C10orf71: variants seen among roughly 807,000 people sequenced by gnomAD.
The protein encoded by C10orf71 is chromosome 10 open reading frame 71, also known as cardiac-enriched FHL2-interacting protein.
For missense variants in C10orf71, 1,869 were observed against 1,804.5 expected, an observed-to-expected ratio of 1.04 and a Z score of -0.65; for synonymous variants, 758 against 726.3, an observed-to-expected ratio of 1.04 and a Z score of -0.70.
chr10:49,325,567 G>C lies in C10orf71; in HGVS notation c.3022G>C (p.Glu1008Gln), dbSNP rs187842723. ...PWHIPTIALP[E>Q]GDIEDQPPPW... ...GCACATCCCCACCATTGCTTTACCC[G>C]AGGGTGACATAGAAGACCAGCCACC... The change falls in exon 3 of 3, where the codon GAG (glutamate) becomes CAG (glutamine). Residue 1008 changes from glutamate to glutamine, a missense_variant. By Grantham distance (29) the Glu-to-Gln change is conservative (BLOSUM62 2). Coordinates refer to ENST00000374144, the MANE Select transcript of C10orf71 (RefSeq NM_001135196.2). 1.3e-6 allele frequency: 2 copies of C among 1,550,768 alleles called. No individual in the cohort carries two copies. The highest frequency in any genetic ancestry group is 1.2e-5 in the South Asian group (1 of 84,004).
chr10:49,320,625 G>C (rs1295159217), intron 2 of C10orf71, among the ~76,000 whole-genome samples: 1 of 152,200 alleles, frequency 6.6e-6, no homozygotes, highest in Non-Finnish European at 1.5e-5. Context: ...AACACCCATG[G>C]AATATCAGGG....
chr10:49,324,737 G>C lies in C10orf71; in HGVS notation c.2192G>C (p.Ser731Thr), dbSNP rs768576908. The change falls in exon 3 of 3, where the codon AGC becomes ACC. Residue 731 changes from serine (S) to threonine (T), a missense_variant. By Grantham distance (58) the Ser-to-Thr change is moderately conservative. Coordinates refer to ENST00000374144, the MANE Select transcript of C10orf71 (RefSeq NM_001135196.2). ...SLKGKAKFST[S>T]SSDQSFASFD... ...AAAGGTAAGGCCAAATTCAGCACCA[G>C]CTCTTCAGATCAATCCTTTGCCTCA... is the stretch of plus-strand genomic sequence containing the variant. 1.3e-6 allele frequency: 2 copies of C among 1,571,732 alleles called. No individual in the cohort carries two copies.
At chr10:49,311,472 G>A (rs1848913724) in intron 1 of C10orf71, among the ~76,000 whole-genome samples, 1 of 152,154 alleles carries the variant, frequency 6.6e-6, no homozygotes, top group African/African-American at 2.4e-5. Flanking sequence ...ACATCCCAGG[G>A]TCCAAGAAGT....
chr10:49,312,894 A>G (rs1848940058), intron 1 of C10orf71, among the ~76,000 whole-genome samples: 1 of 152,230 alleles, frequency 6.6e-6, no homozygotes, highest in African/African-American at 2.4e-5. Context: ...TTCTGTGATT[A>G]TAGGATTATA....
chr10:49,324,865 A>G lies in C10orf71; in HGVS notation c.2320A>G (p.Met774Val), dbSNP rs1167958396. 3 of 1,551,710 alleles carry G rather than the reference A, an allele frequency of 1.9e-6. No individual in the cohort carries two copies. The highest frequency in any genetic ancestry group is 2.4e-5 in the East Asian group (1 of 40,928). The change falls in exon 3 of 3, where the codon ATG becomes GTG. Residue 774 changes from methionine (M) to valine (V), a missense_variant. By Grantham distance (21) the Met-to-Val change is conservative (BLOSUM62 1). Coordinates refer to ENST00000374144, the MANE Select transcript of C10orf71 (RefSeq NM_001135196.2). Reference sequence around the variant, plus strand: ...TCAGAAGGATGAGAAGGAGAATGTGATGCGGAAGGATGAGCTGCAGTACTG... The same window carrying G: ...TCAGAAGGATGAGAAGGAGAATGTGGTGCGGAAGGATGAGCTGCAGTACTG... Reference protein sequence around the residue: ...DSQKDEKENVMRKDELQYCAL... With the variant: ...DSQKDEKENVVRKDELQYCAL...
Position 49,324,833 on chromosome 10 carries a change from G to A in C10orf71, c.2288G>A (p.Gly763Asp), listed in dbSNP as rs746523489. The change falls in exon 3 of 3, where the codon GGT becomes GAT. Residue 763 changes from glycine (G) to aspartate (D), a missense_variant. Physicochemically the swap from Gly to Asp is moderately conservative, Grantham distance 94. Coordinates refer to ENST00000374144, the MANE Select transcript of C10orf71 (RefSeq NM_001135196.2). Reference sequence around the variant, plus strand: ...GACAGGAGGAAGGATGTGAGTGCAGGTGACAGTCAGAAGGATGAGAAGGAG... The same window carrying A: ...GACAGGAGGAAGGATGTGAGTGCAGATGACAGTCAGAAGGATGAGAAGGAG... ...REDRRKDVSA[G>D]DSQKDEKENV... 1.1e-5 allele frequency: 17 copies of A among 1,551,888 alleles called. No individual in the cohort carries two copies. Among genetic ancestry groups the A allele is most frequent in the Non-Finnish European group, 1.2e-5 (14 of 1,147,076 alleles).
At chr10:49,307,221 C>T (rs1027220133) in intron 1 of C10orf71, among the ~76,000 whole-genome samples, 3 of 152,112 alleles carry the variant, frequency 2.0e-5, no homozygotes, top group East Asian at 3.8e-4. Context: ...CCTCTGAGCT[C>T]GCCAGGAGAA....
Position 49,327,405 on chromosome 10 carries a change from G to A in C10orf71, c.*552G>A, listed in dbSNP as rs1849283112. The A allele has an allele frequency of 5.8e-6, 1 of 171,932 alleles. No homozygotes were observed. Among genetic ancestry groups the A allele is most frequent in the Admixed American group, 6.2e-5 (1 of 16,028 alleles). 10.7% of individuals were successfully genotyped at this position (171,932 alleles called of 1,614,324 possible). On this transcript the variant is annotated 3_prime_UTR_variant, in exon 3 of 3. Transcript: ENST00000374144. ...TGCACAGAATGGGTTTCCTTCACAG[G>A]GAGAAACTTGCCTCTGAAAGCTATT...
chr10:49,308,869 C>T (rs907278015), intron 1 of C10orf71, among the ~76,000 whole-genome samples: 6 of 152,176 alleles, frequency 3.9e-5, no homozygotes, highest in African/African-American at 1.2e-4. Context: ...AAAGACACAG[C>T]GAGCCCCACA....
At position 49,324,576 on chromosome 10, in the gene C10orf71, C is replaced by G. The variant is rs372396765; in HGVS notation, c.2031C>G (p.Ser677=). ...QLENGLSRSV[S]QETEPEREAG... is the part of the protein sequence containing the mutation. The stretch of plus-strand genomic sequence containing the variant: ...AGAATGGGCTCTCCAGATCTGTGTC[C>G]CAAGAGACAGAACCTGAGAGGGAAG... Residue 677 remains serine, a synonymous_variant, in exon 3 of 3, where the codon TCC becomes TCG. Coordinates refer to ENST00000374144, the MANE Select transcript of C10orf71 (RefSeq NM_001135196.2). The G allele has an allele frequency of 6.9e-5, 112 of 1,613,702 alleles. No individual in the cohort carries two copies. The highest frequency in any genetic ancestry group is 9.0e-5 in the Non-Finnish European group (106 of 1,179,854).
At position 49,324,064 on chromosome 10, in the gene C10orf71, C is replaced by T. The variant is rs554031001; in HGVS notation, c.1519C>T (p.Arg507Trp). ...CCTGCTGTTCAACCTCAAGGACGTG[C>T]GGAAGCGTGTTAAGAGCACATACAG... ...PSLLFNLKDV[R>W]KRVKSTYSSS... Residue 507 changes from arginine (R) to tryptophan (W), a missense_variant, in exon 3 of 3, where the codon CGG becomes TGG. By Grantham distance (101) the Arg-to-Trp change is moderately radical. Transcript: ENST00000374144. 41 of 1,613,718 alleles carry T rather than the reference C, an allele frequency of 2.5e-5. No homozygotes were observed. The highest frequency in any genetic ancestry group is 1.6e-4 in the Middle Eastern group (1 of 6,084).
In C10orf71 at chr10:49,326,275, C is replaced by G. The variant is rs1396563149; in HGVS notation, c.3730C>G (p.Arg1244Gly). The G allele has an allele frequency of 6.5e-7, 1 of 1,550,242 alleles. No homozygotes were observed. The highest frequency in any genetic ancestry group is 1.2e-5 in the South Asian group (1 of 84,030). The change falls in exon 3 of 3, where the codon CGC becomes GGC. Residue 1244 changes from arginine (R) to glycine (G), a missense_variant. Coordinates refer to ENST00000374144, the MANE Select transcript of C10orf71 (RefSeq NM_001135196.2). The part of the protein sequence containing the change: ...VVRSLPPPVH[R>G]HSVSGFSEPV... ...CCGTTCCCTGCCCCCTCCCGTGCAC[C>G]GCCACTCCGTGTCCGGCTTCTCGGA...
At chr10:49,320,469 G>A (rs756520342) in intron 2 of C10orf71, among the ~76,000 whole-genome samples, 2 of 152,206 alleles carry the variant, frequency 1.3e-5, no homozygotes, top group African/African-American at 2.4e-5. Flanking sequence ...GGCAATCAGC[G>A]AACAGACAAC....
chr10:49,307,172 A>G (rs890044496), intron 1 of C10orf71, among the ~76,000 whole-genome samples: 3 of 152,212 alleles, frequency 2.0e-5, no homozygotes, highest in African/African-American at 4.8e-5. Flanking sequence ...GGCTGCTCCT[A>G]TAAAGCACCT....
chr10:49,313,130 T>C (rs555364730), intron 1 of C10orf71, among the ~76,000 whole-genome samples: 2 of 152,294 alleles, frequency 1.3e-5, no homozygotes, highest in Non-Finnish European at 2.9e-5. Context: ...ATTATAATTA[T>C]GGTAAGTGCT....
chr10:49,325,917 C>G lies in C10orf71; in HGVS notation c.3372C>G (p.Asp1124Glu). The G allele has an allele frequency of 6.4e-7, 1 of 1,550,526 alleles. No individual in the cohort carries two copies. Among genetic ancestry groups the G allele is most frequent in the Non-Finnish European group, 8.7e-7 (1 of 1,146,086 alleles). ...CCCTCGTGTGGGAGGGCGGCTCTGA[C>G]CCCCTACTTGAGCTGTCGGCAGAAG... ...THALVWEGGS[D>E]PLLELSAEDL... The change falls in exon 3 of 3, where the codon GAC (aspartate) becomes GAG (glutamate). Residue 1124 changes from aspartate to glutamate, a missense_variant. By Grantham distance (45) the Asp-to-Glu change is conservative. Coordinates refer to ENST00000374144, the MANE Select transcript of C10orf71 (RefSeq NM_001135196.2).
chr10:49,314,165 A>G (rs1039901834), intron 1 of C10orf71, among the ~76,000 whole-genome samples: 1 of 152,220 alleles, frequency 6.6e-6, no homozygotes, highest in Admixed American at 6.5e-5. Flanking sequence ...ATCAGGAAGG[A>G]GTGGGGGCCA....
intron 1 of C10orf71, among the ~76,000 whole-genome samples, chr10:49,299,982 C>T (rs1473928710): frequency 6.6e-6 from 1 of 152,228 alleles, no homozygotes; most frequent in Non-Finnish European, 1.5e-5. Flanking sequence ...CCTGGGAGGG[C>T]CCCCACCAGA....
rs1385246485 is a variant in C10orf71 at position 49,326,289 on chromosome 10, C to A, written c.3744C>A (p.Ser1248=). The A allele has an allele frequency of 1.9e-6, 3 of 1,549,940 alleles. No homozygotes were observed. Among genetic ancestry groups the A allele is most frequent in the Admixed American group, 2.0e-5 (1 of 50,946 alleles). The change falls in exon 3 of 3, where the codon TCC becomes TCA. Residue 1248 remains serine, a synonymous_variant. Transcript: ENST00000374144. ...CTCCCGTGCACCGCCACTCCGTGTC[C>A]GGCTTCTCGGAGCCTGTCGGGAGGC... is the stretch of plus-strand genomic sequence containing the variant. ...LPPPVHRHSV[S]GFSEPVGRRP...
Sources: gnomAD v4.1 joint callset for allele counts (sites outside exome capture counted in the v4.1 genomes callset) on GRCh38, gnomAD v4.1.1 for gene constraint, MANE v1.5 for transcripts, NCBI Gene and HGNC (gene_info 2026-07-23, HGNC 2026-07-21) for gene names.